The following TIMM44 variants were observed in gnomAD, a reference collection of about 807,000 sequenced individuals.
TIMM44 encodes translocase of inner mitochondrial membrane 44, also known as mitochondrial import inner membrane translocase subunit TIM44.
In TIMM44, 37 loss-of-function variants were observed where a neutral mutation model predicts 63.8. The observed-to-expected ratio is 0.58, with a 90% CI of 0.45 to 0.76. The LOEUF (loss-of-function observed/expected upper bound fraction) is 0.76. Ranked by LOEUF, TIMM44 falls within the 30% of genes least tolerant of loss-of-function variation. The probability of loss-of-function intolerance (pLI) is 0.00; values close to 1 mark genes in which losing one functional copy is unlikely to be tolerated. For missense variants in TIMM44, 573 were observed against 603.8 expected, an observed-to-expected ratio of 0.95 and a Z score of 0.54; for synonymous variants, 239 against 245.1, an observed-to-expected ratio of 0.98 and a Z score of 0.23.
chr19:7,933,570 C>T lies in TIMM44; in HGVS notation c.684G>A (p.Glu228=). The T allele has an allele frequency of 1.2e-6, 2 of 1,613,804 alleles. No individual in the cohort carries two copies. The highest frequency in any genetic ancestry group is 1.7e-6 in the Non-Finnish European group (2 of 1,179,842). Residue 228 remains glutamate (E), a splice_region_variant and synonymous_variant, in exon 7 of 13, where the codon GAG becomes GAA. Transcript: ENST00000270538. The surrounding 1 kb of genome is among the most constrained non-coding windows in gnomAD (Gnocchi z 4.3). ...TGTGCAGCACGACCCCCAGGGCCTC[C>T]CTGGGGAAGAGGGTGGGCCCTGGGG... is the stretch of plus-strand genomic sequence containing the variant. ...FKEEKVFEPN[E]EALGVVLHKD...
At chr19:7,937,986 C>G (rs1466509299) in intron 3 of TIMM44, 41 bp downstream of exon 3, 4 of 1,612,994 alleles carry the variant, frequency 2.5e-6, no homozygotes, top group Non-Finnish European at 2.5e-6. Context: ...CCACTACTCT[C>G]CAGCCTGGGT....
intron 1 of TIMM44, among the ~76,000 whole-genome samples, chr19:7,942,976 G>A (rs1984351940): frequency 6.8e-6 from 1 of 147,122 alleles, no homozygotes; most frequent in Non-Finnish European, 1.5e-5. Flanking sequence ...GGAGGCAGAA[G>A]TTGCAGTGAG....
intron 3 of TIMM44, among the ~76,000 whole-genome samples, chr19:7,936,179 G>A (rs1351801535): frequency 3.3e-5 from 5 of 151,694 alleles, no homozygotes; most frequent in Non-Finnish European, 7.4e-5. Context: ...GGCTGGGCAC[G>A]GTGGCTCATG....
intron 3 of TIMM44, among the ~76,000 whole-genome samples, chr19:7,937,374 T>G (rs912520275): frequency 8.5e-5 from 13 of 152,328 alleles, no homozygotes; most frequent in African/African-American, 3.1e-4. Flanking sequence ...CTGCATCCCA[T>G]AGCTGGTGTG....
In TIMM44 at chr19:7,943,623, C is replaced by A; in HGVS notation, c.29G>T (p.Trp10Leu). ...GCCGCTCACCCGTGGACAGCGGCAC[C>A]AGCCACTCCGCAGGGCCGCCGCCGC... MAAAALRSG[W>L]CRCPRRCLGS... The change falls in exon 1 of 13, where the codon TGG (tryptophan) becomes TTG (leucine). Residue 10 changes from tryptophan to leucine, a missense_variant. By Grantham distance (61) the Trp-to-Leu change is moderately conservative. Transcript: ENST00000270538. The surrounding 1 kb of genome is among the most constrained non-coding windows in gnomAD (Gnocchi z 4.3). 2 of 1,573,260 alleles carry A rather than the reference C, an allele frequency of 1.3e-6. No individual in the cohort carries two copies. The highest frequency in any genetic ancestry group is 2.3e-5 in the South Asian group (2 of 87,338).
Position 7,943,584 on chromosome 19 carries a change from G to A in TIMM44, c.45+23C>T. ...CCCAGAAGACCCCTAAGCTCGCCCT[G>A]CCAGCGCCGCACCGCCGCTCACCCG... On this transcript the variant is annotated intron_variant, in intron 1 of 12. Coordinates refer to ENST00000270538, the MANE Select transcript of TIMM44 (RefSeq NM_006351.4). The surrounding 1 kb of genome is among the most constrained non-coding windows in gnomAD (Gnocchi z 4.3). The A allele has an allele frequency of 1.9e-6, 3 of 1,563,392 alleles. No individual in the cohort carries two copies. Among genetic ancestry groups the A allele is most frequent in the Non-Finnish European group, 1.7e-6 (2 of 1,160,798 alleles).
intron 3 of TIMM44, among the ~76,000 whole-genome samples, chr19:7,936,995 G>A (rs147618286): frequency 6.5e-4 from 99 of 152,152 alleles, no homozygotes; most frequent in African/African-American, 2.3e-3. Flanking sequence ...CCAGCTACTC[G>A]GGAGGCTGAG....
intron 10 of TIMM44, chr19:7,928,757 AAAAC>A (rs1983889266): frequency 6.6e-6 from 1 of 152,194 alleles, no homozygotes; most frequent in East Asian, 1.9e-4. Flanking sequence ...AGAGAAAAAA[AAAAC>A]AGAGCCAATC....
Position 7,933,081 on chromosome 19 carries a change from C to T in TIMM44, c.770-149G>A. On this transcript the variant is annotated intron_variant, in intron 7 of 12. Coordinates refer to ENST00000270538, the MANE Select transcript of TIMM44 (RefSeq NM_006351.4). This position sits in a 1 kb window ranked among gnomAD's most constrained non-coding sequence, Gnocchi z 4.3. ...GGGGACGGCTGTGGACCTGCATCCTCATCTGTGCTTGGGGACCGCTGCCTG... is the reference window on the plus strand; with the variant it reads ...GGGGACGGCTGTGGACCTGCATCCTTATCTGTGCTTGGGGACCGCTGCCTG... The T allele has an allele frequency of 1.4e-6, 1 of 720,570 alleles. No individual in the cohort carries two copies. Among genetic ancestry groups the T allele is most frequent in the South Asian group, 1.5e-5 (1 of 66,296 alleles). 44.6% of individuals were successfully genotyped at this position (720,570 alleles called of 1,614,324 possible). A position where few individuals can be genotyped will look rare whatever the true frequency, so the allele number is the denominator to read the frequency against.
chr19:7,927,579 G>A, intron 12 of TIMM44, 78 bp downstream of exon 12: 2 of 1,411,940 alleles, frequency 1.4e-6, no homozygotes, highest in Non-Finnish European at 1.0e-6. Context: ...CTGAGCTGGG[G>A]TCTCTGCCAG....
chr19:7,941,575 C>T (rs911559536), intron 1 of TIMM44, among the ~76,000 whole-genome samples: 2 of 151,966 alleles, frequency 1.3e-5, no homozygotes, highest in South Asian at 4.1e-4. Context: ...CAGGCATGAG[C>T]CACTGCACCT....
Position 7,927,202 on chromosome 19 carries a change from G to A in TIMM44, c.1344C>T (p.Thr448=), listed in dbSNP as rs200857097. The change falls in exon 13 of 13, where the codon ACC becomes ACT. Residue 448 remains threonine, a synonymous_variant. Coordinates refer to ENST00000270538, the MANE Select transcript of TIMM44 (RefSeq NM_006351.4). ...WRLLDISASS[T]EQIL Reference sequence around the variant, plus strand: ...GGCACCACACTCAGAGAATCTGCTCGGTGCTGGAGGCCGAGATGTCCAGGA... The same window carrying A: ...GGCACCACACTCAGAGAATCTGCTCAGTGCTGGAGGCCGAGATGTCCAGGA... 45 of 1,610,052 alleles carry A rather than the reference G, an allele frequency of 2.8e-5. No homozygotes were observed. The East Asian group carries it at 3.3e-4, about 12-fold the overall frequency.
At chr19:7,930,139 G>C (rs144875688) in intron 10 of TIMM44, among the ~76,000 whole-genome samples, 1 of 151,162 alleles carries the variant, frequency 6.6e-6, no homozygotes, top group African/African-American at 2.4e-5. Flanking sequence ...GTTAGCCACC[G>C]TGCCCGACCT....
Position 7,933,715 on chromosome 19 carries a change from C to A in TIMM44, c.684-145G>T. On this transcript the variant is annotated intron_variant, in intron 6 of 12. Transcript: ENST00000270538. The surrounding 1 kb of genome is among the most constrained non-coding windows in gnomAD (Gnocchi z 4.3). The stretch of plus-strand genomic sequence containing the variant: ...CTCTGAGGACCCCGCCCTCACCTCT[C>A]ACCCTCAAATTCGAGGGAGCCGGGA... 1 of 1,378,184 alleles carries A rather than the reference C, an allele frequency of 7.3e-7. No individual in the cohort carries two copies. The highest frequency in any genetic ancestry group is 1.0e-6 in the Non-Finnish European group (1 of 975,350). 85.4% of individuals were successfully genotyped at this position (1,378,184 alleles called of 1,614,324 possible).
In TIMM44 at chr19:7,934,136, C is replaced by T. The variant is rs747185068; in HGVS notation, c.496G>A (p.Gly166Ser). 3.7e-6 allele frequency: 6 copies of T among 1,613,544 alleles called. No homozygotes were observed. The highest frequency in any genetic ancestry group is 2.2e-5 in the East Asian group (1 of 44,874). The part of the protein sequence containing the change: ...AKQSAESVSK[G>S]GEKLGRTAAF... ...GCTGTCCTGCCCAGCTTCTCCCCGC[C>T]TTTGGATACCGACTCGGCCGACTGC... The change falls in exon 5 of 13, where the codon GGC becomes AGC. Residue 166 changes from glycine to serine, a missense_variant. By Grantham distance (56) the Gly-to-Ser change is moderately conservative (BLOSUM62 0). Coordinates refer to ENST00000270538, the MANE Select transcript of TIMM44 (RefSeq NM_006351.4). This position sits in a 1 kb window ranked among gnomAD's most constrained non-coding sequence, Gnocchi z 5.3.
chr19:7,931,257 AACATTCTCCAGT>A, intron 9 of TIMM44, 69 bp from the exon 10 acceptor site: 1 of 1,438,118 alleles, frequency 7.0e-7, no homozygotes, highest in Non-Finnish European at 9.8e-7. Context: ...AGGTCCTGGG[AACATTCTCCAGT>A]GGTGCGGGGT....
At position 7,941,140 on chromosome 19, in the gene TIMM44, T is replaced by C; in HGVS notation, c.103A>G (p.Thr35Ala). 1 of 1,614,006 alleles carries C rather than the reference T, an allele frequency of 6.2e-7. No individual in the cohort carries two copies. Among genetic ancestry groups the C allele is most frequent in the African/African-American group, 1.3e-5 (1 of 74,992 alleles). Reference protein sequence around the residue: ...LSSHNLPHGSTYQMRRPGGEL... With the variant: ...LSSHNLPHGSAYQMRRPGGEL... ...CCGCCCGGCCGGCGCATCTGATAGG[T>C]CGACCCATGGGGTAGGTTGTGGCTG... The change falls in exon 2 of 13, where the codon ACC becomes GCC. Residue 35 changes from threonine (T) to alanine (A), a missense_variant. Physicochemically the swap from Thr to Ala is moderately conservative, Grantham distance 58. Transcript: ENST00000270538.
intron 2 of TIMM44, among the ~76,000 whole-genome samples, chr19:7,939,686 T>G (rs914893673): frequency 5.6e-5 from 8 of 143,002 alleles, no homozygotes; most frequent in African/African-American, 5.3e-5. Context: ...GAGACCGAGG[T>G]GGGCGGATCA....
rs967753058 is a variant in TIMM44, at chr19:7,934,717, G to A, written c.393+348C>T. Reference sequence around the variant, plus strand: ...ACAGAACAGACAACCGAGGAGAGCCGCAGCACCCCAGGAATCCTGCCTCCC... The same window carrying A: ...ACAGAACAGACAACCGAGGAGAGCCACAGCACCCCAGGAATCCTGCCTCCC... On this transcript the variant is annotated intron_variant, in intron 4 of 12. Transcript: ENST00000270538. This position sits in a 1 kb window ranked among gnomAD's most constrained non-coding sequence, Gnocchi z 5.3. 2.0e-5 allele frequency among the ~76,000 whole-genome samples: 3 copies of A among 152,138 alleles called. No homozygotes were observed. The highest frequency in any genetic ancestry group is 4.1e-4 in the South Asian group (2 of 4,826).
Sources: allele counts gnomAD v4.1 joint callset (sites outside exome capture counted in the v4.1 genomes callset), GRCh38; gene constraint gnomAD v4.1.1; non-coding constraint Gnocchi (gnomAD v3.1); transcripts MANE v1.5; gene names NCBI Gene and HGNC (gene_info 2026-07-23, HGNC 2026-07-21).